FRAS1: variants seen among roughly 807,000 people sequenced by gnomAD.
The protein encoded by FRAS1 is Fraser extracellular matrix complex subunit 1.
FRAS1 carries 290 observed loss-of-function variants against 435.2 expected under a neutral mutation model. The ratio of observed to expected loss-of-function variants is 0.67; its 90% CI spans 0.61 to 0.73. FRAS1 has a LOEUF of 0.73. Among genes scored for constraint, FRAS1 ranks in the 30% least tolerant of loss-of-function variants. The probability of loss-of-function intolerance (pLI) is 0.00; values close to 1 mark genes in which losing one functional copy is unlikely to be tolerated. For synonymous variants in FRAS1, 1,800 were observed against 1,851.0 expected (o/e 0.97, Z 0.71); for missense variants, 4,860 against 5,001.5 (o/e 0.97, Z 0.85).
rs771174140 is a variant in FRAS1 at position 78,511,491 on chromosome 4, A to G, written c.9998A>G (p.Lys3333Arg). The G allele has an allele frequency of 2.5e-6, 4 of 1,613,468 alleles. No homozygotes were observed. The highest frequency in any genetic ancestry group is 3.4e-6 in the Non-Finnish European group (4 of 1,179,594). The change falls in exon 64 of 74, where the codon AAG becomes AGG. Residue 3333 changes from lysine to arginine, a missense_variant. Lys to Arg is a conservative substitution (Grantham distance 26). Transcript: ENST00000512123. ...ATLKYLDVKH[K>R]EHPNRIHISV... ...TTGAAATACCTGGATGTCAAACATA[A>G]GGAGCATCCGAACAGGTCAGGCAGG...
At chr4:78,298,771 T>C (rs1728262641) in intron 14 of FRAS1, among the ~76,000 whole-genome samples, 2 of 152,218 alleles carry the variant, frequency 1.3e-5, no homozygotes, top group African/African-American at 4.8e-5. Context: ...TCATTTAGCC[T>C]ACATTTAATG....
intron 62 of FRAS1, among the ~76,000 whole-genome samples, chr4:78,508,331 A>G (rs980842766): frequency 1.3e-5 from 2 of 152,230 alleles, no homozygotes; most frequent in Non-Finnish European, 2.9e-5. Context: ...GAAGAAATAT[A>G]CCACCTCTAT....
At chr4:78,469,262 C>T (rs998299523) in intron 50 of FRAS1, among the ~76,000 whole-genome samples, 2 of 152,196 alleles carry the variant, frequency 1.3e-5, no homozygotes, top group Admixed American at 6.5e-5. Context: ...CGTCTCATTG[C>T]CCTGTGTCCC....
intron 2 of FRAS1, among the ~76,000 whole-genome samples, chr4:78,192,843 T>C (rs1722611019): frequency 6.6e-6 from 1 of 152,246 alleles, no homozygotes; most frequent in Non-Finnish European, 1.5e-5. Context: ...CTTGCTTCTC[T>C]AGTTCTTTGA....
intron 71 of FRAS1, among the ~76,000 whole-genome samples, chr4:78,535,953 A>C (rs1350537944): frequency 1.3e-5 from 2 of 152,112 alleles, no homozygotes; most frequent in Non-Finnish European, 2.9e-5. Context: ...GTTTGGGATG[A>C]GCATTTGGAA....
At chr4:78,315,821 A>G in intron 16 of FRAS1, 87 bp downstream of exon 16, 1 of 1,412,746 alleles carries the variant, frequency 7.1e-7, no homozygotes, top group South Asian at 1.2e-5. Flanking sequence ...TAATTTGGGA[A>G]CTCGAGTGTA....
chr4:78,109,430 C>G (rs1240421704), intron 2 of FRAS1, among the ~76,000 whole-genome samples: 5 of 151,538 alleles, frequency 3.3e-5, no homozygotes, highest in African/African-American at 1.2e-4. Flanking sequence ...CCCTGGGATG[C>G]AAGGCTGGTT....
intron 55 of FRAS1, 102 bp downstream of exon 55, chr4:78,478,163 C>T (rs898062882): frequency 2.4e-6 from 3 of 1,271,670 alleles, no homozygotes; most frequent in African/African-American, 1.5e-5. Flanking sequence ...TCTTAACTCA[C>T]ATGTGTACTT....
At chr4:78,410,462 A>AAG (rs377458410) in intron 31 of FRAS1, among the ~76,000 whole-genome samples, 1 of 151,594 alleles carries the variant, frequency 6.6e-6, no homozygotes, top group African/African-American at 2.4e-5. Flanking sequence ...TTTAAAAAAA[A>AAG]CTCACTGGAT....
intron 18 of FRAS1, among the ~76,000 whole-genome samples, chr4:78,328,118 T>A (rs1257770400): frequency 6.6e-6 from 1 of 152,234 alleles, no homozygotes; most frequent in African/African-American, 2.4e-5. Flanking sequence ...TCTTCTGGAC[T>A]TCTTGGCCCA....
intron 1 of FRAS1, among the ~76,000 whole-genome samples, chr4:78,059,845 G>C (rs1378961962): frequency 1.4e-5 from 2 of 145,596 alleles, no homozygotes; most frequent in African/African-American, 5.1e-5. Flanking sequence ...CTGGGAGGTG[G>C]GGATGGGGGG....
At chr4:78,132,918 G>A (rs1447553114) in intron 2 of FRAS1, among the ~76,000 whole-genome samples, 1 of 152,130 alleles carries the variant, frequency 6.6e-6, no homozygotes, top group Non-Finnish European at 1.5e-5. Context: ...GCTGGCCCAC[G>A]CCACACTTGG....
intron 59 of FRAS1, among the ~76,000 whole-genome samples, chr4:78,491,510 A>AATAAACATAATCCATCAC (rs1720352364): frequency 6.6e-6 from 1 of 152,238 alleles, no homozygotes; most frequent in African/African-American, 2.4e-5. Flanking sequence ...TACGCAAATC[A>AATAAACATAATCCATCAC]ATAAACATAA....
Position 78,163,349 on chromosome 4 carries a change from CTG to C in FRAS1, c.109-74159_109-74158del, listed in dbSNP as rs1235163081. Among the ~76,000 whole-genome samples the C allele has an allele frequency of 3.9e-5, 6 of 152,176 alleles. No homozygotes were observed. The East Asian group carries it at 1.2e-3, about 29-fold the overall frequency. On this transcript the variant is annotated intron_variant, in intron 2 of 73. Coordinates refer to ENST00000512123, the MANE Select transcript of FRAS1 (RefSeq NM_025074.7). ...TTTCTCCCTATTGTAAGAAAAGTCT[CTG>C]TAATATTTCTCAGTGTTAAAGAGAA...
chr4:78,499,750 T>C lies in FRAS1; in HGVS notation c.9145T>C (p.Tyr3049His). The stretch of plus-strand genomic sequence containing the variant: ...CACCATTGAGTTTGAAGAAGCTGCA[T>C]ACCAAGTCCGGGAACCCGCAGGCCC... ...APTIEFEEAA[Y>H]QVREPAGPDA... Residue 3049 changes from tyrosine to histidine, a missense_variant, in exon 61 of 74, where the codon TAC (tyrosine) becomes CAC (histidine). Physicochemically the swap from Tyr to His is moderately conservative, Grantham distance 83. Coordinates refer to ENST00000512123, the MANE Select transcript of FRAS1 (RefSeq NM_025074.7). 6.2e-7 allele frequency: 1 copy of C among 1,613,922 alleles called. No homozygotes were observed. The highest frequency in any genetic ancestry group is 8.5e-7 in the Non-Finnish European group (1 of 1,179,832).
chr4:78,365,682 T>C (rs1413354437), intron 22 of FRAS1, among the ~76,000 whole-genome samples: 3 of 151,220 alleles, frequency 2.0e-5, no homozygotes, highest in Non-Finnish European at 4.4e-5. Context: ...TTAAATTTCA[T>C]TCTGAGATTG....
At chr4:78,360,992 G>T (rs424766) in intron 20 of FRAS1, among the ~76,000 whole-genome samples, 98,450 of 152,096 alleles carry the variant, frequency 0.65, 32,461 homozygotes, top group African/African-American at 0.68. Context: ...GCAGATCTTG[G>T]TGATGCATGC....
intron 9 of FRAS1, among the ~76,000 whole-genome samples, chr4:78,275,062 T>C (rs1295256264): frequency 6.6e-6 from 1 of 152,144 alleles, no homozygotes; most frequent in East Asian, 1.9e-4. Context: ...CCTTTACCAT[T>C]ATGTAATGGC....
intron 60 of FRAS1, among the ~76,000 whole-genome samples, chr4:78,497,767 T>C (rs1720548539): frequency 6.6e-6 from 1 of 152,210 alleles, no homozygotes. Context: ...GAATCTGTAC[T>C]CTTAAGTATA....
Sources: gnomAD v4.1 joint callset for allele counts (sites outside exome capture counted in the v4.1 genomes callset) on GRCh38, gnomAD v4.1.1 for gene constraint, MANE v1.5 for transcripts, NCBI Gene and HGNC (gene_info 2026-07-23, HGNC 2026-07-21) for gene names.